Variants in DENND2C observed in about 807,000 individuals in gnomAD.
DENND2C encodes the protein DENN domain-containing protein 2C.
In DENND2C, 72 loss-of-function variants were observed where a neutral mutation model predicts 112.4. The ratio of observed to expected loss-of-function variants is 0.64; its 90% CI spans 0.53 to 0.78. DENND2C has a LOEUF of 0.78. DENND2C is among the 30% of genes least tolerant of loss of function. The pLI, the probability that DENND2C is intolerant of heterozygous loss-of-function variation, is 0.00. For missense variants in DENND2C, 992 were observed against 1,113.8 expected (o/e 0.89, Z 1.56); for synonymous variants, 329 against 381.6 (o/e 0.86, Z 1.61).
At chr1:114,655,290 A>G (rs1657277536) in intron 1 of DENND2C, among the ~76,000 whole-genome samples, 1 of 152,216 alleles carries the variant, frequency 6.6e-6, no homozygotes, top group Non-Finnish European at 1.5e-5. Context: ...GCATCAAAAT[A>G]AAATATAAGC....
intron 9 of DENND2C, among the ~76,000 whole-genome samples, chr1:114,609,844 T>C (rs781572235): frequency 3.3e-5 from 5 of 152,236 alleles, no homozygotes; most frequent in South Asian, 2.1e-4. Context: ...AATTATCCAG[T>C]ACATTCAGTG....
chr1:114,624,258 G>A (rs1251475681), intron 4 of DENND2C, among the ~76,000 whole-genome samples: 1 of 152,110 alleles, frequency 6.6e-6, no homozygotes. Context: ...AAATGAAGTG[G>A]AAGAATGTTA....
At chr1:114,664,113 A>C (rs1657581458) in intron 1 of DENND2C, among the ~76,000 whole-genome samples, 1 of 151,820 alleles carries the variant, frequency 6.6e-6, no homozygotes, top group Admixed American at 6.6e-5. Context: ...AATTTTTTAA[A>C]ATTTTTTGTA....
chr1:114,656,069 T>C lies in DENND2C; in HGVS notation c.-573-1308A>G, dbSNP rs138512297. 8.2e-4 allele frequency among the ~76,000 whole-genome samples: 125 copies of C among 151,916 alleles called. 1 individual carries two copies. The highest frequency in any genetic ancestry group is 2.8e-3 in the African/African-American group (114 of 41,434). ...ACGAAGAAAGCTGTTCTAAACAATT[T>C]TTTTCTTTTTTTTCGGAGATGGGGG... is the stretch of plus-strand genomic sequence containing the variant. On this transcript the variant is annotated intron_variant, in intron 1 of 20. Coordinates refer to ENST00000393274, the MANE Select transcript of DENND2C (RefSeq NM_001256404.2).
At chr1:114,617,489 T>G (rs1656005466) in intron 8 of DENND2C, among the ~76,000 whole-genome samples, 1 of 152,094 alleles carries the variant, frequency 6.6e-6, no homozygotes, top group African/African-American at 2.4e-5. Context: ...TTTTGTATTT[T>G]TAGTAGAGAC....
intron 17 of DENND2C, 48 bp from the exon 18 acceptor site, chr1:114,594,626 G>A (rs74115251): frequency 0.05 from 74,681 of 1,483,228 alleles, 2,092 homozygotes; most frequent in South Asian, 0.086. Context: ...GAGATTTGAG[G>A]GATTAAGTCT....
intron 11 of DENND2C, 35 bp downstream of exon 11, chr1:114,604,887 T>C (rs1470996721): frequency 7.0e-7 from 1 of 1,438,826 alleles, no homozygotes; most frequent in Non-Finnish European, 9.8e-7. Context: ...TTTGCAGGTC[T>C]AATGAATAGA....
At position 114,585,444 on chromosome 1, in the gene DENND2C, A is replaced by G. The variant is rs180678695; in HGVS notation, c.*156T>C. The G allele has an allele frequency of 1.7e-5, 12 of 706,850 alleles. No homozygotes were observed. Among genetic ancestry groups the G allele is most frequent in the Non-Finnish European group, 1.9e-5 (8 of 416,928 alleles). The allele number at this position is 706,850 out of a possible 1,614,324, so 43.8% of individuals were successfully genotyped here. ...ACAATTCTCCAGTGATTACTACAGC[A>G]GCAACAGGAGAATCCTCCTCTAACA... On this transcript the variant is annotated 3_prime_UTR_variant, in exon 21 of 21. Coordinates refer to ENST00000393274, the MANE Select transcript of DENND2C (RefSeq NM_001256404.2).
rs373524724 is a variant in DENND2C at position 114,597,075 on chromosome 1, T to A, written c.2284-1202A>T. Among the ~76,000 whole-genome samples, 194 of 152,302 alleles carry A rather than the reference T, an allele frequency of 1.3e-3. 1 individual carries two copies. Among genetic ancestry groups the A allele is most frequent in the African/African-American group, 4.3e-3 (179 of 41,566 alleles). On this transcript the variant is annotated intron_variant, in intron 16 of 20. Transcript: ENST00000393274. ...TAACCACATTAAAATTAAGAATTTC[T>A]GTGCATTAAAAAACATCATTTTTGA... is the stretch of plus-strand genomic sequence containing the variant.
intron 3 of DENND2C, among the ~76,000 whole-genome samples, chr1:114,635,039 A>AG: frequency 6.7e-6 from 1 of 150,064 alleles, no homozygotes. Flanking sequence ...AAAAAAAAAA[A>AG]AAAAAGAAAA....
chr1:114,662,810 A>G (rs1657534896), intron 1 of DENND2C, among the ~76,000 whole-genome samples: 1 of 152,152 alleles, frequency 6.6e-6, no homozygotes. Context: ...TTTTTAAAAA[A>G]TTAGCCAGTC....
intron 8 of DENND2C, among the ~76,000 whole-genome samples, chr1:114,612,005 A>G (rs1655833399): frequency 6.6e-6 from 1 of 152,182 alleles, no homozygotes; most frequent in Non-Finnish European, 1.5e-5. Flanking sequence ...ATATTTGTAA[A>G]CACATTGCAG....
chr1:114,656,896 T>C (rs998331127), intron 1 of DENND2C, among the ~76,000 whole-genome samples: 1 of 151,994 alleles, frequency 6.6e-6, no homozygotes, highest in Non-Finnish European at 1.5e-5. Context: ...GGACTACAGG[T>C]GCATGCCACC....
At chr1:114,627,212 C>G (rs941232253) in intron 3 of DENND2C, among the ~76,000 whole-genome samples, 2 of 152,194 alleles carry the variant, frequency 1.3e-5, no homozygotes, top group Non-Finnish European at 2.9e-5. Context: ...TCATTCAGGC[C>G]CATAAACCGT....
At chr1:114,662,947 A>G (rs1172911466) in intron 1 of DENND2C, among the ~76,000 whole-genome samples, 1 of 152,076 alleles carries the variant, frequency 6.6e-6, no homozygotes, top group Non-Finnish European at 1.5e-5. Context: ...GTGACAGAGA[A>G]AGACCAAGAA....
intron 11 of DENND2C, among the ~76,000 whole-genome samples, chr1:114,603,046 T>C (rs943811852): frequency 1.3e-5 from 2 of 152,142 alleles, no homozygotes; most frequent in African/African-American, 4.8e-5. Flanking sequence ...ATCAACTCAT[T>C]AGAAACATGG....
chr1:114,592,882 A>C (rs2101641966), intron 18 of DENND2C, among the ~76,000 whole-genome samples: 1 of 152,302 alleles, frequency 6.6e-6, no homozygotes, highest in African/African-American at 2.4e-5. Flanking sequence ...GTCAAATCTT[A>C]ATCGTCGCCA....
At chr1:114,592,422 C>T (rs1374826180) in intron 18 of DENND2C, among the ~76,000 whole-genome samples, 1 of 152,070 alleles carries the variant, frequency 6.6e-6, no homozygotes, top group African/African-American at 2.4e-5. Flanking sequence ...TTTGTACATA[C>T]AATTAAATTT....
At chr1:114,620,133 AAAT>A (rs1180272612) in intron 7 of DENND2C, among the ~76,000 whole-genome samples, 1 of 152,172 alleles carries the variant, frequency 6.6e-6, no homozygotes, top group African/African-American at 2.4e-5. Flanking sequence ...ATTAAAGGGG[AAAT>A]AAATGAAAAT....
Sources: gnomAD v4.1 joint callset for allele counts (sites outside exome capture counted in the v4.1 genomes callset) on GRCh38, gnomAD v4.1.1 for gene constraint, MANE v1.5 for transcripts, NCBI Gene and HGNC (gene_info 2026-07-23, HGNC 2026-07-21) for gene names.